Variants in MSI2 observed in about 807,000 individuals in gnomAD.
MSI2 encodes the protein musashi RNA binding protein 2, also known as RNA-binding protein Musashi homolog 2.
MSI2 carries 17 observed loss-of-function variants against 45.6 expected under a neutral mutation model. The ratio of observed to expected loss-of-function variants is 0.37; its 90% CI spans 0.26 to 0.56. MSI2 has a LOEUF of 0.56. MSI2 is among the 20% of genes least tolerant of loss of function. MSI2 has a pLI of 0.77. For missense variants in MSI2, 293 were observed against 444.2 expected (o/e 0.66, Z 3.06); for synonymous variants, 156 against 158.2 (o/e 0.99, Z 0.11).
chr17:57,673,066 G>C (rs763490657), intron 11 of MSI2, among the ~76,000 whole-genome samples: 4 of 152,192 alleles, frequency 2.6e-5, no homozygotes, highest in African/African-American at 9.7e-5. Context: ...TCACCTTCGG[G>C]CTTCCCGCCC....
intron 6 of MSI2, among the ~76,000 whole-genome samples, chr17:57,425,465 T>G (rs2084473398): frequency 6.6e-6 from 1 of 152,232 alleles, no homozygotes; most frequent in Non-Finnish European, 1.5e-5. Flanking sequence ...ACTACGGTTG[T>G]GTACACTTTT....
intron 5 of MSI2, among the ~76,000 whole-genome samples, chr17:57,275,414 T>C (rs1908750518): frequency 6.6e-6 from 1 of 152,110 alleles, no homozygotes; most frequent in East Asian, 1.9e-4. Flanking sequence ...CATAGAAACT[T>C]TTGCTTGGGG....
At position 57,681,500 on chromosome 17, in the gene MSI2, G is replaced by A. The variant is rs13586; in HGVS notation, c.*1983G>A. ...TATTTTTATAAATTTTACTAACAAA[G>A]TAGACTAATGTAGACATTCACAGAC... On this transcript the variant is annotated 3_prime_UTR_variant, in exon 14 of 14. Coordinates refer to ENST00000284073, the MANE Select transcript of MSI2 (RefSeq NM_138962.4). The A allele has an allele frequency of 5.5e-6, 1 of 181,498 alleles. No individual in the cohort carries two copies. The highest frequency in any genetic ancestry group is 1.2e-5 in the Non-Finnish European group (1 of 85,194). 11.2% of individuals were successfully genotyped at this position (181,498 alleles called of 1,614,324 possible).
chr17:57,455,467 G>A (rs1211691083), intron 6 of MSI2, among the ~76,000 whole-genome samples: 1 of 152,174 alleles, frequency 6.6e-6, no homozygotes, highest in African/African-American at 2.4e-5. Flanking sequence ...CTGAAAAAGG[G>A]GGGCCAGCTC....
At chr17:57,511,337 TGGCGACCCACCCGCTC>T in intron 6 of MSI2, among the ~76,000 whole-genome samples, 1 of 152,164 alleles carries the variant, frequency 6.6e-6, no homozygotes, top group East Asian at 1.9e-4. Context: ...AAAGGTAGAG[TGGCGACCCACCCGCTC>T]AAATATATTG....
chr17:57,517,457 A>G (rs1340145017), intron 6 of MSI2, among the ~76,000 whole-genome samples: 1 of 152,224 alleles, frequency 6.6e-6, no homozygotes, highest in East Asian at 1.9e-4. Flanking sequence ...CTGCTGCTGA[A>G]TTCAGGCCTG....
chr17:57,324,834 C>T (rs1183323909), intron 5 of MSI2, among the ~76,000 whole-genome samples: 1 of 152,200 alleles, frequency 6.6e-6, no homozygotes, highest in Non-Finnish European at 1.5e-5. Flanking sequence ...AGATTTGCTT[C>T]TTTGAGCCAC....
intron 6 of MSI2, among the ~76,000 whole-genome samples, chr17:57,452,012 CA>C (rs1235019342): frequency 6.6e-6 from 1 of 152,194 alleles, no homozygotes; most frequent in African/African-American, 2.4e-5. Context: ...TGACCGTTCT[CA>C]GGGGGGATGT....
chr17:57,700,727 A>G, the MSI2 span, among the ~76,000 whole-genome samples: 2 of 152,042 alleles, frequency 1.3e-5, no homozygotes, highest in Admixed American at 1.3e-4. Context: ...ACATGGTGAA[A>G]CCCCATCTCT....
At chr17:57,339,069 C>T (rs747996092) in intron 5 of MSI2, among the ~76,000 whole-genome samples, 29 of 152,194 alleles carry the variant, frequency 1.9e-4, no homozygotes, top group African/African-American at 6.3e-4. Context: ...AAATCACGGA[C>T]GTTAAAATAA....
At chr17:57,631,841 GA>G in intron 10 of MSI2, 1 of 1,613,282 alleles carries the variant, frequency 6.2e-7, no homozygotes, top group Non-Finnish European at 8.5e-7. Flanking sequence ...GCTCTTAAGA[GA>G]GGCATAGCAA....
chr17:57,545,792 T>C (rs1274425341), intron 7 of MSI2, among the ~76,000 whole-genome samples: 7 of 152,186 alleles, frequency 4.6e-5, no homozygotes, highest in Admixed American at 4.6e-4. Flanking sequence ...AATGTTAGAA[T>C]AACAGGTTTC....
chr17:57,654,133 G>A (rs1911402795), intron 11 of MSI2, among the ~76,000 whole-genome samples: 1 of 152,208 alleles, frequency 6.6e-6, no homozygotes, highest in Non-Finnish European at 1.5e-5. Context: ...ACTCCGAGGT[G>A]CCCGCCCCGC....
chr17:57,302,686 C>T (rs1911513901), intron 5 of MSI2, among the ~76,000 whole-genome samples: 1 of 152,200 alleles, frequency 6.6e-6, no homozygotes, highest in South Asian at 2.1e-4. Flanking sequence ...TATTAGCTTG[C>T]AGCACTTTTC....
chr17:57,355,792 T>C (rs898954934), intron 5 of MSI2, among the ~76,000 whole-genome samples: 1 of 152,238 alleles, frequency 6.6e-6, no homozygotes, highest in African/African-American at 2.4e-5. Context: ...TTAACCTTTC[T>C]GAGACTTAGT....
At chr17:57,338,091 G>A (rs867177017) in intron 5 of MSI2, among the ~76,000 whole-genome samples, 25 of 152,104 alleles carry the variant, frequency 1.6e-4, no homozygotes, top group African/African-American at 6.0e-4. Context: ...GTTTTATTTT[G>A]TTTTTTATTT....
At chr17:57,587,359 C>G (rs995593996) in intron 7 of MSI2, among the ~76,000 whole-genome samples, 1 of 152,222 alleles carries the variant, frequency 6.6e-6, no homozygotes, top group African/African-American at 2.4e-5. Context: ...CAGCGCATCC[C>G]TGAGCTGAAA....
intron 7 of MSI2, among the ~76,000 whole-genome samples, chr17:57,572,082 T>A (rs1290327764): frequency 2.0e-5 from 3 of 152,180 alleles, no homozygotes; most frequent in East Asian, 1.9e-4. Context: ...AATCAATGGA[T>A]CGTAGCCAAG....
intron 13 of MSI2, 109 bp from the exon 14 acceptor site, chr17:57,679,440 A>T (rs949641639): frequency 5.8e-5 from 25 of 429,054 alleles, no homozygotes; most frequent in Middle Eastern, 2.0e-3. Context: ...TTGAAACTCT[A>T]GTTAAAACAG....
Sources: allele counts gnomAD v4.1 joint callset (sites outside exome capture counted in the v4.1 genomes callset), GRCh38; gene constraint gnomAD v4.1.1; transcripts MANE v1.5; gene names NCBI Gene and HGNC (gene_info 2026-07-23, HGNC 2026-07-21).